SYT16: variants seen among roughly 807,000 people sequenced by gnomAD.
SYT16 encodes the protein synaptotagmin 16.
Under a neutral mutation model 61.4 loss-of-function variants are expected in SYT16, and 42 were observed. The observed-to-expected ratio is 0.68, with a 90% CI of 0.53 to 0.89. The LOEUF is 0.89. SYT16 is among the 40% of genes least tolerant of loss of function. SYT16 has a pLI of 0.00. For missense variants in SYT16, 804 were observed against 807.3 expected, an observed-to-expected ratio of 1.00 and a Z score of 0.05; for synonymous variants, 314 against 302.3, an observed-to-expected ratio of 1.04 and a Z score of -0.40.
chr14:61,930,344 C>G (rs1253190025), intron 1 of SYT16, among the ~76,000 whole-genome samples: 1 of 152,060 alleles, frequency 6.6e-6, no homozygotes, highest in Non-Finnish European at 1.5e-5. Flanking sequence ...ATCACATTAT[C>G]TCCCTCTCTC....
At chr14:62,022,639 G>C (rs2053956116) in intron 3 of SYT16, among the ~76,000 whole-genome samples, 6 of 149,040 alleles carry the variant, frequency 4.0e-5, no homozygotes, top group Admixed American at 4.0e-4. Context: ...CACACACACA[G>C]ACATATGTAT....
chr14:61,996,893 G>T (rs1339083737), intron 3 of SYT16, among the ~76,000 whole-genome samples: 6 of 152,110 alleles, frequency 3.9e-5, no homozygotes, highest in Admixed American at 3.3e-4. Context: ...ATTTCTAGAT[G>T]TTACTATATT....
At chr14:61,931,734 A>G (rs1341431753) in intron 1 of SYT16, among the ~76,000 whole-genome samples, 1 of 152,088 alleles carries the variant, frequency 6.6e-6, no homozygotes, top group Non-Finnish European at 1.5e-5. Flanking sequence ...TACATCTAGG[A>G]TCATTTCCTT....
chr14:62,055,074 A>G (rs1595289902), intron 3 of SYT16, among the ~76,000 whole-genome samples: 1 of 152,212 alleles, frequency 6.6e-6, no homozygotes, highest in East Asian at 1.9e-4. Flanking sequence ...TTGGAGTGAT[A>G]GAGAAATATT....
At chr14:61,945,855 C>CAAAAA (rs60917584) in intron 1 of SYT16, among the ~76,000 whole-genome samples, 7 of 64,512 alleles carry the variant, frequency 1.1e-4, no homozygotes, top group Admixed American at 2.6e-4. Flanking sequence ...GACTCCGTCT[C>CAAAAA]AAAAAAAAAA....
At chr14:62,078,677 T>G (rs2056600805) in intron 5 of SYT16, among the ~76,000 whole-genome samples, 1 of 152,166 alleles carries the variant, frequency 6.6e-6, no homozygotes, top group African/African-American at 2.4e-5. Context: ...CCTGATCTTG[T>G]GTGATCACAC....
At chr14:62,036,583 TCA>T (rs1216673800) in intron 3 of SYT16, among the ~76,000 whole-genome samples, 1 of 152,080 alleles carries the variant, frequency 6.6e-6, no homozygotes, top group Non-Finnish European at 1.5e-5. Context: ...TTCAATGGAC[TCA>T]CAGTTCCACA....
Position 62,000,099 on chromosome 14 carries a change from ATTTTTTTTTTTTTTTTT to A in SYT16, c.523+3570_523+3586del. The stretch of plus-strand genomic sequence containing the variant: ...TTTCTAATACTTATTTTGTCTCTCG[ATTTTTTTTTTTTTTTTT>A]TTTTTTTTTTTTAGCGTACTGATTT... On this transcript the variant is annotated intron_variant, in intron 3 of 7. Transcript: ENST00000683842. Among the ~76,000 whole-genome samples the A allele has an allele frequency of 7.5e-3, 142 of 18,976 alleles. 2 individuals carry two copies. The highest frequency in any genetic ancestry group is 0.039 in the African/African-American group (139 of 3,532). 12.4% of individuals were successfully genotyped at this position (18,976 alleles called of 152,430 possible).
intron 3 of SYT16, among the ~76,000 whole-genome samples, chr14:62,035,320 T>C (rs959671785): frequency 6.6e-6 from 1 of 152,226 alleles, no homozygotes; most frequent in African/African-American, 2.4e-5. Context: ...ATTCTTTCTA[T>C]TTGTGCTGTG....
At chr14:61,937,003 A>G (rs772303134) in intron 1 of SYT16, among the ~76,000 whole-genome samples, 23 of 152,376 alleles carry the variant, frequency 1.5e-4, no homozygotes, top group Non-Finnish European at 2.8e-4. Flanking sequence ...GCTGTCCAGC[A>G]TAACCATGAA....
rs185230359 is a variant in SYT16 at position 62,105,508 on chromosome 14, G to A, written c.*4801G>A. ...GCTCTCAAAACGTATCTGTTTGACTGGAATGTCCTGCTCAGAACAAATTAT... is the reference window on the plus strand; with the variant it reads ...GCTCTCAAAACGTATCTGTTTGACTAGAATGTCCTGCTCAGAACAAATTAT... On this transcript the variant is annotated 3_prime_UTR_variant, in exon 8 of 8. Transcript: ENST00000683842. The A allele has an allele frequency of 6.6e-6, 1 of 152,276 alleles. No homozygotes were observed. The highest frequency in any genetic ancestry group is 2.4e-5 in the African/African-American group (1 of 41,564). The allele number at this position is 152,276 out of a possible 1,614,324, so 9.4% of individuals were successfully genotyped here.
At chr14:61,898,256 T>C (rs2048394081) in intron 1 of SYT16, among the ~76,000 whole-genome samples, 1 of 152,226 alleles carries the variant, frequency 6.6e-6, no homozygotes, top group African/African-American at 2.4e-5. Context: ...CCCCCACTCC[T>C]ACCTTATCCT....
chr14:62,067,214 A>T (rs1251998955), intron 3 of SYT16, among the ~76,000 whole-genome samples: 1 of 152,222 alleles, frequency 6.6e-6, no homozygotes, highest in Non-Finnish European at 1.5e-5. Context: ...TGAACTACTT[A>T]CCGTGGAGAA....
At chr14:61,829,057 A>G (rs1007232139) in intron 1 of SYT16, among the ~76,000 whole-genome samples, 3 of 152,220 alleles carry the variant, frequency 2.0e-5, no homozygotes, top group African/African-American at 7.2e-5. Flanking sequence ...GCATTGGAGA[A>G]TATGTTATAT....
At chr14:61,996,587 AT>A in intron 3 of SYT16, 45 bp downstream of exon 3, 1 of 1,525,122 alleles carries the variant, frequency 6.6e-7, no homozygotes, top group South Asian at 1.3e-5. Context: ...TCCAAAGAGC[AT>A]TTCTACTTAT....
At chr14:61,841,515 T>C (rs2046299977) in intron 1 of SYT16, among the ~76,000 whole-genome samples, 1 of 152,248 alleles carries the variant, frequency 6.6e-6, no homozygotes, top group African/African-American at 2.4e-5. Context: ...TTTGAAATTC[T>C]TTAATTTTAA....
intron 1 of SYT16, among the ~76,000 whole-genome samples, chr14:61,865,631 A>G (rs760828447): frequency 2.0e-5 from 3 of 152,232 alleles, no homozygotes; most frequent in South Asian, 2.1e-4. Flanking sequence ...TCAGTAATAT[A>G]CATAGGAGCT....
At chr14:61,999,689 A>T (rs1486661314) in intron 3 of SYT16, among the ~76,000 whole-genome samples, 4 of 151,036 alleles carry the variant, frequency 2.6e-5, no homozygotes, top group African/African-American at 9.7e-5. Context: ...TCTATTATGG[A>T]TGTATAATTT....
In SYT16 at chr14:62,072,792, G is replaced by T. The variant is rs567139353; in HGVS notation, c.737-2343G>T. ...GTCTTTGTATTTGGGTGGTGATCGG[G>T]GAGAGAGGTTTGGGAGTATGAAAAA... is the stretch of plus-strand genomic sequence containing the variant. On this transcript the variant is annotated intron_variant, in intron 4 of 7. Transcript: ENST00000683842. Among the ~76,000 whole-genome samples the T allele has an allele frequency of 2.4e-4, 36 of 152,224 alleles. 1 individual carries two copies. The highest frequency in any genetic ancestry group is 1.5e-3 in the South Asian group (7 of 4,814).
Sources: gnomAD v4.1 joint callset for allele counts (sites outside exome capture counted in the v4.1 genomes callset) on GRCh38, gnomAD v4.1.1 for gene constraint, MANE v1.5 for transcripts, NCBI Gene and HGNC (gene_info 2026-07-23, HGNC 2026-07-21) for gene names.